The following AKAP19 variants were observed in gnomAD, a reference collection of about 807,000 sequenced individuals.
The protein encoded by AKAP19 is small A-kinase anchoring protein.
At chr2:189,884,569 AATTGTCAAAGACTTT>A in the AKAP19 span, among the ~76,000 whole-genome samples, 2 of 152,172 alleles carry the variant, frequency 1.3e-5, no homozygotes, top group African/African-American at 2.4e-5. Flanking sequence ...TCAGCTTTTA[AATTGTCAAAGACTTT>A]ATTGAAGCAA....
the AKAP19 span, among the ~76,000 whole-genome samples, chr2:189,977,445 G>A: frequency 3.4e-3 from 515 of 152,184 alleles, 2 homozygotes; most frequent in African/African-American, 0.012. Context: ...TTGGCTCCAG[G>A]CATCCAGTAG....
chr2:190,200,608 A>G, the AKAP19 span: 1 of 176,116 alleles, frequency 5.7e-6, no homozygotes, highest in African/African-American at 2.4e-5. Context: ...GATTAACAGT[A>G]AGTCTTGTTT....
the AKAP19 span, among the ~76,000 whole-genome samples, chr2:190,139,150 TGAAA>T: frequency 6.6e-6 from 1 of 152,206 alleles, no homozygotes; most frequent in Non-Finnish European, 1.5e-5. Context: ...AAATCTGATA[TGAAA>T]GAAAGTATAT....
the AKAP19 span, chr2:190,202,167 A>G: frequency 6.0e-6 from 1 of 167,050 alleles, no homozygotes; most frequent in African/African-American, 2.4e-5. Flanking sequence ...TGCCAGATCC[A>G]TATCAACTAG....
the AKAP19 span, among the ~76,000 whole-genome samples, chr2:190,035,921 G>A: frequency 1.3e-5 from 2 of 152,090 alleles, no homozygotes; most frequent in African/African-American, 4.8e-5. Flanking sequence ...TTTTTCTTGG[G>A]TAAATATCTA....
chr2:190,155,850 A>G, the AKAP19 span, among the ~76,000 whole-genome samples: 1 of 152,186 alleles, frequency 6.6e-6, no homozygotes, highest in Non-Finnish European at 1.5e-5. Flanking sequence ...ATTTTAAAGG[A>G]CCTCCTGAAA....
chr2:190,062,890 G>A, the AKAP19 span, among the ~76,000 whole-genome samples: 1 of 152,162 alleles, frequency 6.6e-6, no homozygotes, highest in East Asian at 1.9e-4. Flanking sequence ...AGTCAAGGGT[G>A]AGCTGATTCA....
At chr2:190,045,579 G>C in the AKAP19 span, among the ~76,000 whole-genome samples, 7 of 152,156 alleles carry the variant, frequency 4.6e-5, no homozygotes, top group South Asian at 1.4e-3. Flanking sequence ...AATCCTGAAG[G>C]CTGGAATGGC....
the AKAP19 span, among the ~76,000 whole-genome samples, chr2:189,981,273 C>CTTTTTTTTTTTTT: frequency 7.8e-6 from 1 of 129,002 alleles, no homozygotes. Context: ...CCTTCTTTGT[C>CTTTTTTTTTTTTT]TTTTTTTTTT....
At chr2:190,121,510 T>G in the AKAP19 span, among the ~76,000 whole-genome samples, 1 of 152,232 alleles carries the variant, frequency 6.6e-6, no homozygotes, top group Admixed American at 6.5e-5. Context: ...ACCACATTTA[T>G]GGGCACTTCC....
At chr2:189,918,637 C>T in the AKAP19 span, among the ~76,000 whole-genome samples, 1 of 151,908 alleles carries the variant, frequency 6.6e-6, no homozygotes, top group Non-Finnish European at 1.5e-5. Context: ...ACCATATAAC[C>T]CAACAATTCA....
At chr2:190,074,066 G>T in the AKAP19 span, among the ~76,000 whole-genome samples, 1 of 150,254 alleles carries the variant, frequency 6.7e-6, no homozygotes, top group African/African-American at 2.5e-5. Flanking sequence ...AAAAATTGCA[G>T]AATATCTAGG....
the AKAP19 span, among the ~76,000 whole-genome samples, chr2:190,014,470 A>T: frequency 6.6e-6 from 1 of 152,042 alleles, no homozygotes. Context: ...TGATTCAGTC[A>T]CCTCCCACCA....
the AKAP19 span, among the ~76,000 whole-genome samples, chr2:190,109,535 T>C: frequency 1.3e-5 from 2 of 152,220 alleles, no homozygotes; most frequent in Middle Eastern, 6.8e-3. Context: ...CTCCACCATA[T>C]GCCTGCCTCT....
chr2:189,986,164 G>C, the AKAP19 span, among the ~76,000 whole-genome samples: 1 of 152,148 alleles, frequency 6.6e-6, no homozygotes, highest in East Asian at 1.9e-4. Flanking sequence ...ACCAGCCAGA[G>C]ACCACAGTTC....
chr2:189,956,537 C>A, the AKAP19 span, among the ~76,000 whole-genome samples: 19 of 152,060 alleles, frequency 1.2e-4, no homozygotes, highest in South Asian at 4.0e-3. Flanking sequence ...ACTAGTGCTG[C>A]ACTATAATAA....
chr2:190,122,844 C>G, the AKAP19 span, among the ~76,000 whole-genome samples: 2,234 of 150,658 alleles, frequency 0.015, 42 homozygotes, highest in African/African-American at 0.044. Context: ...AGGACTTGCT[C>G]TGTCACCCAG....
the AKAP19 span, among the ~76,000 whole-genome samples, chr2:189,916,031 G>C: frequency 1.3e-5 from 2 of 152,164 alleles, no homozygotes; most frequent in East Asian, 3.9e-4. Context: ...GTGTAGCATA[G>C]AGCTTTCCCA....
chr2:189,994,440 G>T, the AKAP19 span, among the ~76,000 whole-genome samples: 1 of 151,992 alleles, frequency 6.6e-6, no homozygotes, highest in East Asian at 1.9e-4. Context: ...ATTTAATGTT[G>T]TGAACTTCCC....
Sources: gnomAD v4.1 joint callset for allele counts (sites outside exome capture counted in the v4.1 genomes callset) on GRCh38, gnomAD v4.1.1 for gene constraint, MANE v1.5 for transcripts, NCBI Gene and HGNC (gene_info 2026-07-23, HGNC 2026-07-21) for gene names.